Variants in ANTXR2 observed in about 807,000 individuals in gnomAD.
ANTXR2 encodes the protein anthrax toxin receptor 2.
A neutral mutation model predicts 73.7 loss-of-function variants in ANTXR2; 44 were observed. That is an observed-to-expected ratio of 0.60 (90% CI 0.47 to 0.77). ANTXR2 has a LOEUF of 0.77. ANTXR2 is among the 30% of genes least tolerant of loss of function. The pLI, the probability that ANTXR2 is intolerant of heterozygous loss-of-function variation, is 0.00. For missense variants in ANTXR2, 604 were observed against 592.5 expected, an observed-to-expected ratio of 1.02 and a Z score of -0.20; for synonymous variants, 217 against 205.9, an observed-to-expected ratio of 1.05 and a Z score of -0.46.
intron 12 of ANTXR2, among the ~76,000 whole-genome samples, chr4:79,989,206 T>C (rs1028895783): frequency 2.0e-5 from 3 of 151,792 alleles, no homozygotes; most frequent in Admixed American, 6.6e-5. Context: ...AAATCAAAAT[T>C]TGGTTCTTTC....
intron 5 of ANTXR2, 22 bp downstream of exon 5, chr4:80,055,338 A>C: frequency 6.3e-7 from 1 of 1,594,690 alleles, no homozygotes; most frequent in Non-Finnish European, 8.6e-7. Flanking sequence ...GGTGTAGAGA[A>C]CAGTCTCAGT....
At chr4:79,919,471 T>C (rs1276496260) in intron 16 of ANTXR2, among the ~76,000 whole-genome samples, 1 of 152,070 alleles carries the variant, frequency 6.6e-6, no homozygotes, top group Non-Finnish European at 1.5e-5. Flanking sequence ...TCAGTGGACT[T>C]GGAAAGACAG....
chr4:80,055,010 T>C, intron 6 of ANTXR2, 140 bp downstream of exon 6: 1 of 731,276 alleles, frequency 1.4e-6, no homozygotes, highest in Non-Finnish European at 2.2e-6. Context: ...AAGGTAGTAC[T>C]CAAAACCTAC....
chr4:80,070,324 T>A (rs534223777), intron 2 of ANTXR2, among the ~76,000 whole-genome samples: 1 of 152,354 alleles, frequency 6.6e-6, no homozygotes, highest in South Asian at 2.1e-4. Flanking sequence ...GCCAGACAAC[T>A]GTGTATTATA....
At chr4:79,914,232 G>A (rs1268996424) in intron 16 of ANTXR2, among the ~76,000 whole-genome samples, 2 of 151,956 alleles carry the variant, frequency 1.3e-5, no homozygotes, top group Non-Finnish European at 2.9e-5. Context: ...ATTATATAAT[G>A]GCAACTATAC....
intron 3 of ANTXR2, among the ~76,000 whole-genome samples, chr4:80,058,920 T>C (rs1734123296): frequency 6.6e-6 from 1 of 152,098 alleles, no homozygotes; most frequent in East Asian, 1.9e-4. Context: ...CATCGTCCCC[T>C]ATAACATTTC....
chr4:79,907,599 T>C lies in ANTXR2; in HGVS notation c.1429-132A>G. On this transcript the variant is annotated intron_variant, in intron 16 of 16. Coordinates refer to ENST00000403729, the MANE Select transcript of ANTXR2 (RefSeq NM_058172.6). ...TACCATGTTAACTTGAGACATGAAG[T>C]CATAATTTTTTTTTCTTGGGTTAAA... is the stretch of plus-strand genomic sequence containing the variant. 14 of 965,218 alleles carry C rather than the reference T, an allele frequency of 1.5e-5. No individual in the cohort carries two copies. In the South Asian group the frequency reaches 2.2e-4, roughly 15 times the overall value. 59.8% of individuals were successfully genotyped at this position (965,218 alleles called of 1,614,324 possible).
At position 80,069,515 on chromosome 4, in the gene ANTXR2, A is replaced by G. The variant is rs1325799840; in HGVS notation, c.225-8T>C. On this transcript the variant is annotated splice_region_variant and splice_polypyrimidine_tract_variant and intron_variant, in intron 2 of 16. Transcript: ENST00000403729. ...GATAATCTCATTTCAGGGCTGCAAA[A>G]TAAGAAAAGAGGCAGTTAAAACATT... 1 of 1,582,048 alleles carries G rather than the reference A, an allele frequency of 6.3e-7. No homozygotes were observed. Among genetic ancestry groups the G allele is most frequent in the Non-Finnish European group, 8.6e-7 (1 of 1,157,984 alleles).
chr4:79,983,979 A>T lies in ANTXR2; in HGVS notation c.1087-9T>A, dbSNP rs777347917. ...AAAGGTTCTTCTTCCTCCTGTGGAA[A>T]TATGTTTTATAAATAGTTTTTAATT... On this transcript the variant is annotated splice_polypyrimidine_tract_variant and intron_variant, in intron 13 of 16. Coordinates refer to ENST00000403729, the MANE Select transcript of ANTXR2 (RefSeq NM_058172.6). 1.3e-6 allele frequency: 2 copies of T among 1,541,402 alleles called. No homozygotes were observed. Among genetic ancestry groups the T allele is most frequent in the South Asian group, 2.4e-5 (2 of 81,766 alleles).
At chr4:79,915,818 CTG>C (rs1202075843) in intron 16 of ANTXR2, among the ~76,000 whole-genome samples, 63 of 124,230 alleles carry the variant, frequency 5.1e-4, no homozygotes, top group Admixed American at 6.5e-4. Flanking sequence ...GTCTCTGTCT[CTG>C]TCTCTCTCCC....
chr4:80,028,051 T>A (rs1732520029), intron 10 of ANTXR2, among the ~76,000 whole-genome samples: 1 of 152,150 alleles, frequency 6.6e-6, no homozygotes. Context: ...TACACCATTT[T>A]AAAAGTAAAC....
intron 16 of ANTXR2, among the ~76,000 whole-genome samples, chr4:79,930,165 G>A (rs1447307221): frequency 6.6e-6 from 1 of 151,902 alleles, no homozygotes; most frequent in Admixed American, 6.6e-5. Flanking sequence ...CTATATTAGA[G>A]ATAATAAAAT....
At position 79,926,395 on chromosome 4, in the gene ANTXR2, C is replaced by T. The variant is rs1210322298; in HGVS notation, c.1429-18928G>A. The stretch of plus-strand genomic sequence containing the variant: ...TCTAATCCTACCATTTCACAAACTA[C>T]AGATCAAAGTTTCCATCTAGCAGGT... On this transcript the variant is annotated intron_variant, in intron 16 of 16. Transcript: ENST00000403729. Among the ~76,000 whole-genome samples the T allele has an allele frequency of 2.6e-5, 4 of 152,170 alleles. No homozygotes were observed. The South Asian group carries it at 8.3e-4, about 32-fold the overall frequency.
chr4:79,926,750 A>G (rs1276566994), intron 16 of ANTXR2, among the ~76,000 whole-genome samples: 3 of 152,120 alleles, frequency 2.0e-5, no homozygotes, highest in Non-Finnish European at 4.4e-5. Context: ...CTGGGAATGT[A>G]TAGTAACTGC....
chr4:79,985,927 C>T (rs1406074984), intron 12 of ANTXR2, among the ~76,000 whole-genome samples: 1 of 151,192 alleles, frequency 6.6e-6, no homozygotes, highest in Non-Finnish European at 1.5e-5. Flanking sequence ...CTGCAACCTC[C>T]ACCTCCCGGG....
rs748922958 is a variant in ANTXR2, at chr4:80,033,528, C to T, written c.740G>A (p.Gly247Asp). The change falls in exon 9 of 17, where the codon GGC (glycine) becomes GAC (aspartate). Residue 247 changes from glycine (G) to aspartate (D), a missense_variant. By Grantham distance (94) the Gly-to-Asp change is moderately conservative. Transcript: ENST00000403729. ...GCAGAGAACACTGCCATTCCGACTG[C>T]CCAGCATGAATCCTCTTCCACTTAA... Reference protein sequence around the residue: ...IVLSGRGFMLGSRNGSVLCTY... With the variant: ...IVLSGRGFMLDSRNGSVLCTY... 6.3e-7 allele frequency: 1 copy of T among 1,597,740 alleles called. No individual in the cohort carries two copies. Among genetic ancestry groups the T allele is most frequent in the South Asian group, 1.2e-5 (1 of 86,874 alleles).
chr4:79,998,076 C>G (rs1020870828), intron 12 of ANTXR2, among the ~76,000 whole-genome samples: 2 of 151,908 alleles, frequency 1.3e-5, no homozygotes, highest in Non-Finnish European at 2.9e-5. Context: ...ACAATAAAAA[C>G]AAGTGCAATG....
At chr4:80,002,566 T>C (rs929586174) in intron 12 of ANTXR2, among the ~76,000 whole-genome samples, 1 of 152,064 alleles carries the variant, frequency 6.6e-6, no homozygotes, top group African/African-American at 2.4e-5. Flanking sequence ...AAACGGGATC[T>C]AATTAAACTA....
chr4:79,913,971 C>G (rs1451176415), intron 16 of ANTXR2, among the ~76,000 whole-genome samples: 1 of 152,138 alleles, frequency 6.6e-6, no homozygotes, highest in African/African-American at 2.4e-5. Context: ...CAAGTCAGAT[C>G]ACTAGTAAAC....
Sources: allele counts gnomAD v4.1 joint callset (sites outside exome capture counted in the v4.1 genomes callset), GRCh38; gene constraint gnomAD v4.1.1; transcripts MANE v1.5; gene names NCBI Gene and HGNC (gene_info 2026-07-23, HGNC 2026-07-21).